The following FAF1 variants were observed in gnomAD, a reference collection of about 807,000 sequenced individuals.
The protein encoded by FAF1 is Fas associated factor 1.
In FAF1, 25 loss-of-function variants were observed where a neutral mutation model predicts 92.5. The observed-to-expected ratio is 0.27, with a 90% CI of 0.20 to 0.38. FAF1 has a LOEUF of 0.38. Among genes scored for constraint, FAF1 ranks in the 10% least tolerant of loss-of-function variants. The probability of loss-of-function intolerance (pLI) is 1.00; values close to 1 mark genes in which losing one functional copy is unlikely to be tolerated. For missense variants in FAF1, 636 were observed against 793.3 expected (o/e 0.80, Z 2.38); for synonymous variants, 234 against 273.2 (o/e 0.86, Z 1.42).
intron 13 of FAF1, among the ~76,000 whole-genome samples, chr1:50,562,436 T>G (rs527873293): frequency 6.6e-6 from 1 of 152,290 alleles, no homozygotes; most frequent in South Asian, 2.1e-4. Context: ...TTGTTCCCCA[T>G]ACGTAATTAT....
chr1:50,554,390 T>TATATATATAGAG, intron 13 of FAF1, among the ~76,000 whole-genome samples: 6 of 93,702 alleles, frequency 6.4e-5, no homozygotes, highest in African/African-American at 9.5e-5. Context: ...TATATATATA[T>TATATATATAGAG]AGAGAGAGAG....
chr1:50,916,017 CTGTT>C (rs1428602417), intron 1 of FAF1, among the ~76,000 whole-genome samples: 1 of 152,158 alleles, frequency 6.6e-6, no homozygotes, highest in African/African-American at 2.4e-5. Flanking sequence ...ATACAGCCCT[CTGTT>C]TGATAATTCC....
chr1:50,729,054 A>ATTTTTTTT (rs1364447973), intron 6 of FAF1, among the ~76,000 whole-genome samples: 4 of 97,836 alleles, frequency 4.1e-5, no homozygotes, highest in African/African-American at 1.8e-4. Context: ...ATATATATAT[A>ATTTTTTTT]TATATTTTTT....
intron 14 of FAF1, among the ~76,000 whole-genome samples, chr1:50,539,192 A>G (rs1231903362): frequency 6.6e-6 from 1 of 152,232 alleles, no homozygotes; most frequent in East Asian, 1.9e-4. Flanking sequence ...GAAAAATTCA[A>G]TCTTCAATAT....
intron 4 of FAF1, among the ~76,000 whole-genome samples, chr1:50,750,781 C>A (rs1225705539): frequency 2.0e-5 from 3 of 151,768 alleles, no homozygotes; most frequent in African/African-American, 7.3e-5. Context: ...TCCCACCACA[C>A]TCAGCTAATT....
chr1:50,510,683 C>G (rs1198296879), intron 15 of FAF1, among the ~76,000 whole-genome samples: 12 of 152,158 alleles, frequency 7.9e-5, no homozygotes, highest in Non-Finnish European at 1.8e-4. Flanking sequence ...ACTGTAAACA[C>G]ATTTCAAAAG....
intron 8 of FAF1, among the ~76,000 whole-genome samples, chr1:50,652,182 T>C (rs1654894760): frequency 6.6e-6 from 1 of 152,214 alleles, no homozygotes; most frequent in Non-Finnish European, 1.5e-5. Flanking sequence ...CTCTTGTGTT[T>C]GCTGTGACTT....
At chr1:50,705,517 G>T (rs2124423469) in intron 7 of FAF1, among the ~76,000 whole-genome samples, 1 of 152,266 alleles carries the variant, frequency 6.6e-6, no homozygotes, top group South Asian at 2.1e-4. Flanking sequence ...ATAAAACCAT[G>T]AAATATATTA....
chr1:50,750,145 A>G (rs919995147), intron 4 of FAF1, among the ~76,000 whole-genome samples: 8 of 152,164 alleles, frequency 5.3e-5, no homozygotes, highest in Admixed American at 3.3e-4. Context: ...GTGTCTACCT[A>G]ACTCCAAAGA....
At chr1:50,782,981 G>C (rs1233560161) in intron 4 of FAF1, among the ~76,000 whole-genome samples, 1 of 151,574 alleles carries the variant, frequency 6.6e-6, no homozygotes, top group African/African-American at 2.4e-5. Context: ...ACAATACTGA[G>C]TGTTTTTTTT....
At chr1:50,716,942 C>CCACCTTTAAGAGCTGTAACA in intron 6 of FAF1, among the ~76,000 whole-genome samples, 1 of 152,300 alleles carries the variant, frequency 6.6e-6, no homozygotes, top group Middle Eastern at 3.4e-3. Flanking sequence ...TGGGTCTGCA[C>CCACCTTTAAGAGCTGTAACA]CACCTTTAAG....
rs1436919851 is a variant in FAF1, at chr1:50,571,781, G to C, written c.1114-4550C>G. ...AGTAGCTATTGTATTTAGACTCTTA[G>C]TGTCACAGAACCATAGAATATTAGA... On this transcript the variant is annotated intron_variant, in intron 12 of 18. Coordinates refer to ENST00000396153, the MANE Select transcript of FAF1 (RefSeq NM_007051.3). 2.0e-5 allele frequency among the ~76,000 whole-genome samples: 3 copies of C among 152,150 alleles called. No individual in the cohort carries two copies. In the East Asian group the frequency reaches 5.8e-4, roughly 29 times the overall value.
At chr1:50,501,751 G>A (rs760562965) in intron 15 of FAF1, among the ~76,000 whole-genome samples, 17 of 152,160 alleles carry the variant, frequency 1.1e-4, no homozygotes, top group East Asian at 7.7e-4. Context: ...TGTTGGGAAC[G>A]TAAAATGGTA....
intron 8 of FAF1, among the ~76,000 whole-genome samples, chr1:50,645,011 T>G (rs895126620): frequency 2.7e-5 from 4 of 146,122 alleles, no homozygotes; most frequent in Admixed American, 2.0e-4. Context: ...TTCACAACTT[T>G]TCTTTTCTTT....
At chr1:50,900,515 T>A (rs541613748) in intron 1 of FAF1, among the ~76,000 whole-genome samples, 18 of 151,716 alleles carry the variant, frequency 1.2e-4, no homozygotes, top group Non-Finnish European at 2.2e-4. Flanking sequence ...GGCTTTGGAG[T>A]CAGACCAGTC....
At chr1:50,731,680 T>A (rs1658932431) in intron 6 of FAF1, among the ~76,000 whole-genome samples, 1 of 152,132 alleles carries the variant, frequency 6.6e-6, no homozygotes, top group Non-Finnish European at 1.5e-5. Flanking sequence ...AAAACACTTG[T>A]CTTCTAATTG....
At chr1:50,904,015 C>T (rs1573011) in intron 1 of FAF1, among the ~76,000 whole-genome samples, 151,974 of 152,328 alleles carry the variant, frequency 1, 75,811 homozygotes, top group Middle Eastern at 1. Context: ...ATTCCACTTC[C>T]GGGTATATAT....
intron 12 of FAF1, among the ~76,000 whole-genome samples, chr1:50,572,485 T>C (rs1415960658): frequency 6.6e-6 from 1 of 152,210 alleles, no homozygotes; most frequent in African/African-American, 2.4e-5. Flanking sequence ...AGCATCTAAT[T>C]TGGATCATTC....
intron 18 of FAF1, 143 bp from the exon 19 acceptor site, chr1:50,441,666 T>A (rs1251759290): frequency 4.6e-5 from 21 of 459,894 alleles, no homozygotes; most frequent in Non-Finnish European, 7.4e-5. Context: ...ATCTTCAAAA[T>A]AACCTGCAAG....
Sources: gnomAD v4.1 joint callset for allele counts (sites outside exome capture counted in the v4.1 genomes callset) on GRCh38, gnomAD v4.1.1 for gene constraint, MANE v1.5 for transcripts, NCBI Gene and HGNC (gene_info 2026-07-23, HGNC 2026-07-21) for gene names.